Variants in DNAAF5 observed in about 807,000 individuals in gnomAD.
The protein encoded by DNAAF5 is dynein axonemal assembly factor 5.
In DNAAF5, 64 loss-of-function variants were observed where a neutral mutation model predicts 75.8. The observed-to-expected ratio is 0.84, with a 90% confidence interval of 0.69 to 1.04. DNAAF5 has a LOEUF of 1.04. Among genes scored for constraint, DNAAF5 ranks in the 50% least tolerant of loss-of-function variants. The pLI is 0.00. For synonymous variants in DNAAF5, 657 were observed against 557.2 expected, an observed-to-expected ratio of 1.18 and a Z score of -2.52; for missense variants, 1,269 against 1,178.5, an observed-to-expected ratio of 1.08 and a Z score of -1.12.
intron 7 of DNAAF5, among the ~76,000 whole-genome samples, chr7:763,243 G>T (rs181715152): frequency 2.3e-4 from 35 of 152,290 alleles, no homozygotes; most frequent in African/African-American, 7.5e-4. Context: ...TGCTGGTCAT[G>T]GGGGACGAAG....
chr7:745,393 G>A (rs578166300), intron 4 of DNAAF5, among the ~76,000 whole-genome samples: 13 of 152,108 alleles, frequency 8.5e-5, no homozygotes, highest in Admixed American at 1.3e-4. Flanking sequence ...CTTGGAATGC[G>A]GTAAGGGAGA....
intron 1 of DNAAF5, among the ~76,000 whole-genome samples, chr7:727,811 C>G (rs987832566): frequency 1.4e-5 from 2 of 146,528 alleles, no homozygotes; most frequent in African/African-American, 2.6e-5. Context: ...CACCCTCCTC[C>G]CTGCCTGAGC....
chr7:763,702 C>T, intron 7 of DNAAF5, 104 bp from the exon 8 acceptor site: 1 of 1,308,772 alleles, frequency 7.6e-7, no homozygotes, highest in East Asian at 2.3e-5. Flanking sequence ...GCAGGCCCGG[C>T]CTGTGTGGTT....
chr7:748,838 T>G (rs1782201662), intron 4 of DNAAF5, among the ~76,000 whole-genome samples: 1 of 152,058 alleles, frequency 6.6e-6, no homozygotes, highest in Admixed American at 6.5e-5. Flanking sequence ...AGTCCAACCG[T>G]GTGGTTGGGT....
At chr7:769,396 T>TA (rs1778477140) in intron 8 of DNAAF5, among the ~76,000 whole-genome samples, 1 of 152,052 alleles carries the variant, frequency 6.6e-6, no homozygotes, top group Admixed American at 6.5e-5. Context: ...CATGGAGACT[T>TA]ACAGGGAGGC....
intron 2 of DNAAF5, among the ~76,000 whole-genome samples, chr7:730,218 G>A (rs1781522560): frequency 6.6e-6 from 1 of 152,086 alleles, no homozygotes; most frequent in Non-Finnish European, 1.5e-5. Flanking sequence ...GTGGAGTCGG[G>A]GTTGGTTTGT....
chr7:755,307 CG>C (rs1782448305), intron 5 of DNAAF5, among the ~76,000 whole-genome samples: 1 of 152,184 alleles, frequency 6.6e-6, no homozygotes, highest in African/African-American at 2.4e-5. Context: ...TGTCCACACT[CG>C]GCTGCTGGTT....
chr7:754,714 C>A lies in DNAAF5; in HGVS notation c.1150C>A (p.Pro384Thr). 6.2e-7 allele frequency: 1 copy of A among 1,613,930 alleles called. No individual in the cohort carries two copies. Among genetic ancestry groups the A allele is most frequent in the East Asian group, 2.2e-5 (1 of 44,888 alleles). The change falls in exon 5 of 13, where the codon CCA becomes ACA. Residue 384 changes from proline to threonine, a missense_variant. Coordinates refer to ENST00000297440, the MANE Select transcript of DNAAF5 (RefSeq NM_017802.4). This position sits in a 1 kb window ranked among gnomAD's most constrained non-coding sequence, Gnocchi z 4.8. ...GTRVKSAQLL[P>T]VLLLHAEDHA... ...CCGAGTGAAGTCGGCACAGCTGCTC[C>A]CAGTGCTGCTGCTGCATGCCGAGGA...
At chr7:761,528 C>A (rs762218788) in intron 6 of DNAAF5, among the ~76,000 whole-genome samples, 2 of 152,178 alleles carry the variant, frequency 1.3e-5, no homozygotes, top group African/African-American at 4.8e-5. Flanking sequence ...TGGCGGCAGG[C>A]GAGAGAGTGT....
chr7:734,982 A>G (rs961670987), intron 2 of DNAAF5, among the ~76,000 whole-genome samples: 3 of 150,558 alleles, frequency 2.0e-5, no homozygotes, highest in African/African-American at 7.4e-5. Context: ...AGCTGCTCAC[A>G]GTGTCGCTGC....
At chr7:758,906 C>T (rs1229650716) in intron 6 of DNAAF5, among the ~76,000 whole-genome samples, 1 of 152,168 alleles carries the variant, frequency 6.6e-6, no homozygotes, top group Non-Finnish European at 1.5e-5. Flanking sequence ...TGGTCTTGAA[C>T]TCCTGACTTC....
rs1779121047 is a variant in DNAAF5, at chr7:785,607, G to A, written c.2522G>A (p.Cys841Tyr). ...CACAAGCACCGCTCGGCCACCTACTGCGAGCAGCTCCTGCAGCATGTGCAG... is the reference window on the plus strand; with the variant it reads ...CACAAGCACCGCTCGGCCACCTACTACGAGCAGCTCCTGCAGCATGTGCAG... Reference protein sequence around the residue: ...VIHKHRSATYCEQLLQHVQAV... With the variant: ...VIHKHRSATYYEQLLQHVQAV... The change falls in exon 13 of 13, where the codon TGC (cysteine) becomes TAC (tyrosine). Residue 841 changes from cysteine to tyrosine, a missense_variant. By Grantham distance (194) the Cys-to-Tyr change is radical. Transcript: ENST00000297440. 1 of 1,613,070 alleles carries A rather than the reference G, an allele frequency of 6.2e-7. No homozygotes were observed. The highest frequency in any genetic ancestry group is 1.3e-5 in the African/African-American group (1 of 74,942).
At chr7:774,722 C>T (rs188706062) in intron 10 of DNAAF5, among the ~76,000 whole-genome samples, 38 of 152,300 alleles carry the variant, frequency 2.5e-4, no homozygotes, top group African/African-American at 8.4e-4. Flanking sequence ...GTCGGTGCTC[C>T]AGCCGAAAGC....
chr7:775,697 C>A (rs974121378), intron 11 of DNAAF5, among the ~76,000 whole-genome samples: 2 of 152,206 alleles, frequency 1.3e-5, no homozygotes, highest in African/African-American at 4.8e-5. Context: ...GTTGAACCCG[C>A]ATGAAGAAAG....
intron 8 of DNAAF5, among the ~76,000 whole-genome samples, chr7:767,904 C>CG (rs1778379163): frequency 2.0e-5 from 3 of 146,806 alleles, no homozygotes; most frequent in South Asian, 2.2e-4. Context: ...GTCCCTGCTG[C>CG]AAGCAGGAGC....
At chr7:748,590 C>T (rs1782191931) in intron 4 of DNAAF5, among the ~76,000 whole-genome samples, 1 of 152,168 alleles carries the variant, frequency 6.6e-6, no homozygotes, top group Admixed American at 6.5e-5. Flanking sequence ...CCTCAGAGCT[C>T]CGGCAGCTGC....
chr7:729,946 T>C, intron 2 of DNAAF5, 99 bp downstream of exon 2: 2 of 1,139,206 alleles, frequency 1.8e-6, no homozygotes, highest in Admixed American at 2.1e-5. Flanking sequence ...TTCAGAGTGC[T>C]GTATGCACCA....
At chr7:776,855 T>C (rs1436869294) in intron 11 of DNAAF5, among the ~76,000 whole-genome samples, 1 of 152,106 alleles carries the variant, frequency 6.6e-6, no homozygotes, top group East Asian at 1.9e-4. Context: ...AGGTGAGAGG[T>C]GGGCAAGCGA....
intron 8 of DNAAF5, chr7:768,995 C>T (rs1354015588): frequency 1.2e-5 from 7 of 600,826 alleles, no homozygotes; most frequent in East Asian, 2.8e-5. Flanking sequence ...TTCGGTGCAA[C>T]GCCTCCTGCC....
Sources: allele counts gnomAD v4.1 joint callset (sites outside exome capture counted in the v4.1 genomes callset), GRCh38; gene constraint gnomAD v4.1.1; non-coding constraint Gnocchi (gnomAD v3.1); transcripts MANE v1.5; gene names NCBI Gene and HGNC (gene_info 2026-07-23, HGNC 2026-07-21).